The following PTPRE variants were observed in gnomAD, a reference collection of about 807,000 sequenced individuals.
PTPRE encodes the protein receptor-type tyrosine-protein phosphatase epsilon.
In PTPRE, 51 loss-of-function variants were observed where a neutral mutation model predicts 102.0. The ratio of observed to expected loss-of-function variants is 0.50; its 90% CI spans 0.40 to 0.63. The LOEUF is 0.63. PTPRE is among the 30% of genes least tolerant of loss of function. The pLI is 0.00. For missense variants in PTPRE, 752 were observed against 915.1 expected, an observed-to-expected ratio of 0.82 and a Z score of 2.30; for synonymous variants, 345 against 348.2, an observed-to-expected ratio of 0.99 and a Z score of 0.10.
In PTPRE at chr10:128,083,300, A is replaced by G. The variant is rs1851873071; in HGVS notation, c.*394A>G. 6.3e-6 allele frequency: 1 copy of G among 158,288 alleles called. No homozygotes were observed. Among genetic ancestry groups the G allele is most frequent in the Admixed American group, 6.5e-5 (1 of 15,324 alleles). The allele number at this position is 158,288 out of a possible 1,614,324, so 9.8% of individuals were successfully genotyped here. A position where few individuals can be genotyped will look rare whatever the true frequency, so the allele number is the denominator to read the frequency against. ...TGAGGACTCAGAAGTCAGTTCGAAA[A>G]TGCACTTTCCTAACAGTGAATTCAC... is the stretch of plus-strand genomic sequence containing the variant. On this transcript the variant is annotated 3_prime_UTR_variant, in exon 21 of 21. Coordinates refer to ENST00000254667, the MANE Select transcript of PTPRE (RefSeq NM_006504.6).
intron 1 of PTPRE, among the ~76,000 whole-genome samples, chr10:127,921,674 G>A (rs1439656402): frequency 6.6e-6 from 1 of 152,204 alleles, no homozygotes; most frequent in Non-Finnish European, 1.5e-5. Context: ...TCACAGGGGA[G>A]GTTCCCGAGA....
chr10:128,036,233 C>T (rs932698672), intron 2 of PTPRE, among the ~76,000 whole-genome samples: 3 of 152,058 alleles, frequency 2.0e-5, no homozygotes, highest in Non-Finnish European at 4.4e-5. Context: ...TCCTGCAGCT[C>T]GCCACCTTGA....
At chr10:127,952,758 A>C (rs1213807860) in intron 1 of PTPRE, among the ~76,000 whole-genome samples, 1 of 152,052 alleles carries the variant, frequency 6.6e-6, no homozygotes, top group East Asian at 1.9e-4. Context: ...TAAAAGTCTC[A>C]CTTTTGCTAT....
chr10:128,084,132 AC>A lies in PTPRE; in HGVS notation c.*1227del, dbSNP rs1851928818. On this transcript the variant is annotated 3_prime_UTR_variant, in exon 21 of 21. Coordinates refer to ENST00000254667, the MANE Select transcript of PTPRE (RefSeq NM_006504.6). The stretch of plus-strand genomic sequence containing the variant: ...ATGATCCCATTACCAGATAAGATTG[AC>A]TGACGGGGAAAAAAAAAAAAAAAGA... 8.3e-6 allele frequency: 1 copy of A among 120,972 alleles called. No individual in the cohort carries two copies. The highest frequency in any genetic ancestry group is 2.4e-4 in the East Asian group (1 of 4,108). 7.5% of individuals were successfully genotyped at this position (120,972 alleles called of 1,614,324 possible).
intron 2 of PTPRE, among the ~76,000 whole-genome samples, chr10:127,988,562 C>T (rs1377249468): frequency 6.6e-6 from 1 of 152,138 alleles, no homozygotes; most frequent in Non-Finnish European, 1.5e-5. Flanking sequence ...ACCTTGGTCT[C>T]CCAAAGTGCT....
chr10:128,036,178 C>T (rs1847200768), intron 2 of PTPRE, among the ~76,000 whole-genome samples: 1 of 152,088 alleles, frequency 6.6e-6, no homozygotes, highest in Non-Finnish European at 1.5e-5. Context: ...CACCTTTTCC[C>T]AGTCTCCTGC....
At chr10:127,980,055 A>T (rs1199409490) in intron 1 of PTPRE, among the ~76,000 whole-genome samples, 1 of 152,082 alleles carries the variant, frequency 6.6e-6, no homozygotes, top group Non-Finnish European at 1.5e-5. Flanking sequence ...AGTGGAAAGG[A>T]TGGACTCTTG....
chr10:127,948,012 G>A (rs144426901), intron 1 of PTPRE, among the ~76,000 whole-genome samples: 3 of 152,294 alleles, frequency 2.0e-5, no homozygotes, highest in Admixed American at 6.5e-5. Context: ...GAGCCACACC[G>A]TGAAGGATGC....
intron 1 of PTPRE, among the ~76,000 whole-genome samples, chr10:127,940,768 C>T (rs1167019862): frequency 6.6e-5 from 10 of 152,300 alleles, no homozygotes; most frequent in Admixed American, 2.0e-4. Context: ...CTCAGCCTCC[C>T]GAGTAGTAGG....
intron 1 of PTPRE, among the ~76,000 whole-genome samples, chr10:127,933,417 T>C (rs534900425): frequency 6.6e-6 from 1 of 152,344 alleles, no homozygotes; most frequent in Non-Finnish European, 1.5e-5. Flanking sequence ...ATTATACATA[T>C]CTTTAGGAAT....
Position 128,028,126 on chromosome 10 carries a change from C to T in PTPRE, c.-7-12749C>T, listed in dbSNP as rs555029986. Among the ~76,000 whole-genome samples, 1 of 152,346 alleles carries T rather than the reference C, an allele frequency of 6.6e-6. No individual in the cohort carries two copies. Among genetic ancestry groups the T allele is most frequent in the East Asian group, 1.9e-4 (1 of 5,176 alleles). Reference sequence around the variant, plus strand: ...TGCAGACCACTGGATTTCTGGAGAACACTGTACTTCGCCAGCCTGCGGCAG... The same window carrying T: ...TGCAGACCACTGGATTTCTGGAGAATACTGTACTTCGCCAGCCTGCGGCAG... On this transcript the variant is annotated intron_variant, in intron 2 of 20. Transcript: ENST00000254667. This position sits in a 1 kb window ranked among gnomAD's most constrained non-coding sequence, Gnocchi z 4.5.
At chr10:128,033,739 G>T (rs11016028) in intron 2 of PTPRE, among the ~76,000 whole-genome samples, 1 of 152,006 alleles carries the variant, frequency 6.6e-6, no homozygotes, top group Non-Finnish European at 1.5e-5. Flanking sequence ...CCGCCTCCCG[G>T]GTTCAAGCGA....
rs1846433735 is a variant in PTPRE, at chr10:128,028,275, T to C, written c.-7-12600T>C. On this transcript the variant is annotated intron_variant, in intron 2 of 20. Coordinates refer to ENST00000254667, the MANE Select transcript of PTPRE (RefSeq NM_006504.6). This position sits in a 1 kb window ranked among gnomAD's most constrained non-coding sequence, Gnocchi z 4.5. ...TCCGGATCACCCTGCGCCTGTCTCC[T>C]CCCCAGTCCTTTCTGCGACCTCAGG... Among the ~76,000 whole-genome samples the C allele has an allele frequency of 6.6e-6, 1 of 152,114 alleles. No individual in the cohort carries two copies. The highest frequency in any genetic ancestry group is 1.5e-5 in the Non-Finnish European group (1 of 68,008).
chr10:127,993,696 G>C (rs1852930685), intron 2 of PTPRE, among the ~76,000 whole-genome samples: 1 of 152,048 alleles, frequency 6.6e-6, no homozygotes, highest in South Asian at 2.1e-4. Context: ...TAAAACCCGG[G>C]GTCACTCGTT....
intron 1 of PTPRE, among the ~76,000 whole-genome samples, chr10:127,947,484 C>T (rs950780400): frequency 6.6e-6 from 1 of 152,248 alleles, no homozygotes; most frequent in Non-Finnish European, 1.5e-5. Context: ...AGGTTTGTCC[C>T]ATGGGTTTAC....
chr10:127,956,843 A>G (rs941172727), intron 1 of PTPRE, among the ~76,000 whole-genome samples: 7 of 152,072 alleles, frequency 4.6e-5, no homozygotes, highest in Admixed American at 3.9e-4. Flanking sequence ...ATCTTTATGT[A>G]TGCTTATTTT....
At chr10:128,057,273 T>C (rs1464951209) in intron 7 of PTPRE, among the ~76,000 whole-genome samples, 4 of 151,808 alleles carry the variant, frequency 2.6e-5, no homozygotes, top group African/African-American at 9.7e-5. Flanking sequence ...CAGTTGGGGA[T>C]CCTTCACCTG....
At chr10:128,080,763 G>A (rs184877759) in intron 20 of PTPRE, among the ~76,000 whole-genome samples, 1 of 152,320 alleles carries the variant, frequency 6.6e-6, no homozygotes, top group Admixed American at 6.5e-5. Context: ...GTAACAGCTT[G>A]ACAGAGCACT....
chr10:127,943,452 G>T (rs1026963345), intron 1 of PTPRE, among the ~76,000 whole-genome samples: 4 of 152,170 alleles, frequency 2.6e-5, no homozygotes, highest in African/African-American at 9.7e-5. Flanking sequence ...GTCTGTGCAT[G>T]CGAGAACTTT....
Sources: gnomAD v4.1 joint callset for allele counts (sites outside exome capture counted in the v4.1 genomes callset) on GRCh38, gnomAD v4.1.1 for gene constraint, Gnocchi (gnomAD v3.1) non-coding constraint, MANE v1.5 for transcripts, NCBI Gene and HGNC (gene_info 2026-07-23, HGNC 2026-07-21) for gene names.